NECAP1: variants seen among roughly 807,000 people sequenced by gnomAD.
The protein encoded by NECAP1 is NECAP endocytosis associated 1.
In NECAP1, 13 loss-of-function variants were observed where a neutral mutation model predicts 33.4. The ratio of observed to expected loss-of-function variants is 0.39; its 90% CI spans 0.25 to 0.62. The LOEUF (loss-of-function observed/expected upper bound fraction) is 0.62, where lower values mean the gene tolerates loss of function less well. Among genes scored for constraint, NECAP1 ranks in the 20% least tolerant of loss-of-function variants. NECAP1 has a pLI of 0.52. For missense variants in NECAP1, 272 were observed against 347.4 expected, an observed-to-expected ratio of 0.78 and a Z score of 1.73; for synonymous variants, 109 against 125.2, an observed-to-expected ratio of 0.87 and a Z score of 0.86.
In NECAP1 at chr12:8,090,211, G is replaced by A; in HGVS notation, c.213G>A (p.Gln71=). 1 of 1,614,174 alleles carries A rather than the reference G, an allele frequency of 6.2e-7. No homozygotes were observed. Among genetic ancestry groups the A allele is most frequent in the Non-Finnish European group, 8.5e-7 (1 of 1,180,022 alleles). The part of the protein sequence containing the change: ...EDKVSGELFA[Q]APVEQYPGIA... ...ATCTGTCAGGGGAGCTCTTTGCTCA[G>A]GCACCAGTAGAACAATATCCTGGTA... Residue 71 remains glutamine, a synonymous_variant, in exon 3 of 8, where the codon CAG becomes CAA. Transcript: ENST00000339754.
chr12:8,095,555 G>A (rs779162435), intron 6 of NECAP1, 46 bp from the exon 7 acceptor site: 1 of 1,528,400 alleles, frequency 6.5e-7, no homozygotes, highest in Non-Finnish European at 9.0e-7. Flanking sequence ...GCCCTTCCAA[G>A]ATTTTGATTA....
chr12:8,087,020 A>ATTTTTTTT (rs1565643454), intron 1 of NECAP1, among the ~76,000 whole-genome samples: 5 of 147,486 alleles, frequency 3.4e-5, no homozygotes, highest in African/African-American at 1.2e-4. Flanking sequence ...TTTTTAAAAA[A>ATTTTTTTT]AAATTCTTCA....
At chr12:8,095,909 T>G (rs771785140) in intron 7 of NECAP1, 133 bp from the exon 8 acceptor site, 1 of 1,247,616 alleles carries the variant, frequency 8.0e-7, no homozygotes, top group South Asian at 1.4e-5. Context: ...ATTTCAGGCC[T>G]TTGTAAGTAG....
In NECAP1 at chr12:8,083,729, G is replaced by GTGT. The variant is rs1947464485; in HGVS notation, c.95+1347_95+1348insGTT. ...AGGCGTGACACCACGCCCAGCCGTC[G>GTGT]TTTTTTTTTTTTTTTTTTTTTGTTA... On this transcript the variant is annotated intron_variant, in intron 1 of 7. Transcript: ENST00000339754. 1.3e-4 allele frequency among the ~76,000 whole-genome samples: 12 copies of GTGT among 91,176 alleles called. No homozygotes were observed. In the South Asian group the frequency reaches 1.6e-3, roughly 12 times the overall value. 59.8% of individuals were successfully genotyped at this position (91,176 alleles called of 152,430 possible). A position where few individuals can be genotyped will look rare whatever the true frequency, so the allele number is the denominator to read the frequency against.
rs1189650199 is a variant in NECAP1 at position 8,097,401 on chromosome 12, C to T, written c.*1311C>T. ...CACCTATTGGGTATGTACACTCTGGCCGAAGGGAGTCCTTATGTTTAGTTT... is the reference window on the plus strand; with the variant it reads ...CACCTATTGGGTATGTACACTCTGGTCGAAGGGAGTCCTTATGTTTAGTTT... On this transcript the variant is annotated 3_prime_UTR_variant, in exon 8 of 8. Transcript: ENST00000339754. 6.6e-6 allele frequency: 1 copy of T among 152,616 alleles called. No homozygotes were observed. The highest frequency in any genetic ancestry group is 1.5e-5 in the Non-Finnish European group (1 of 68,040). 9.5% of individuals were successfully genotyped at this position (152,616 alleles called of 1,614,324 possible).
rs778506326 is a variant in NECAP1, at chr12:8,092,709, A to G, written c.417A>G (p.Glu139=). 6.4e-5 allele frequency: 104 copies of G among 1,613,734 alleles called. No homozygotes were observed. In the East Asian group the frequency reaches 2.2e-3, roughly 34 times the overall value. The change falls in exon 5 of 8, where the codon GAA becomes GAG. Residue 139 remains glutamate (E), a synonymous_variant. Transcript: ENST00000339754. ...AGCAGGAATCTGAGATTTCCAAGGA[A>G]TCTCAAGAAATGGATGCTCGTCCTA... ...WVKQESEISK[E]SQEMDARPKL... is the part of the protein sequence containing the mutation.
chr12:8,082,365 C>T lies in NECAP1; in HGVS notation c.77C>T (p.Ala26Val), dbSNP rs1258379215. The change falls in exon 1 of 8, where the codon GCC (alanine) becomes GTC (valine). Residue 26 changes from alanine (A) to valine (V), a missense_variant. Ala to Val is a moderately conservative substitution (Grantham distance 64). Transcript: ENST00000339754. ...DVSVYRIPPR[A>V]SNRGYRASDW... Reference sequence around the variant, plus strand: ...AGCGTCTACCGGATTCCGCCCCGGGCCTCCAACCGCGGTTACAGGTACTAA... The same window carrying T: ...AGCGTCTACCGGATTCCGCCCCGGGTCTCCAACCGCGGTTACAGGTACTAA... The T allele has an allele frequency of 1.3e-5, 21 of 1,613,574 alleles. No homozygotes were observed. Among genetic ancestry groups the T allele is most frequent in the African/African-American group, 2.7e-5 (2 of 74,910 alleles).
In NECAP1 at chr12:8,082,476, A is replaced by C. The variant is rs776458077; in HGVS notation, c.95+93A>C. Reference sequence around the variant, plus strand: ...CACGCTGTCCGTCCCTGCCACTACTACCTCTGTATTGTCACCTTGCTAGCC... The same window carrying C: ...CACGCTGTCCGTCCCTGCCACTACTCCCTCTGTATTGTCACCTTGCTAGCC... On this transcript the variant is annotated intron_variant, in intron 1 of 7. Transcript: ENST00000339754. 7.0e-6 allele frequency: 8 copies of C among 1,141,636 alleles called. No individual in the cohort carries two copies. In the East Asian group the frequency reaches 1.6e-4, roughly 23 times the overall value. The allele number at this position is 1,141,636 out of a possible 1,614,324, so 70.7% of individuals were successfully genotyped here.
In NECAP1 at chr12:8,092,743, C is replaced by A. The variant is rs1258177968; in HGVS notation, c.451C>A (p.Leu151Met). The A allele has an allele frequency of 1.2e-6, 2 of 1,613,992 alleles. No individual in the cohort carries two copies. The highest frequency in any genetic ancestry group is 2.7e-5 in the African/African-American group (2 of 75,036). The change falls in exon 5 of 8, where the codon CTG (leucine) becomes ATG (methionine). Residue 151 changes from leucine to methionine, a missense_variant. Physicochemically the swap from Leu to Met is conservative, Grantham distance 15. Transcript: ENST00000339754. Reference protein sequence around the residue: ...QEMDARPKLDLGFKEGQTIKL... With the variant: ...QEMDARPKLDMGFKEGQTIKL... ...AATGGATGCTCGTCCTAAGTTGGAT[C>A]TGGGCTTCAAGGAAGGACAAACCAT...
Position 8,086,706 on chromosome 12 carries a change from C to T in NECAP1, c.96-3230C>T, listed in dbSNP as rs751976127. Among the ~76,000 whole-genome samples, 15 of 152,206 alleles carry T rather than the reference C, an allele frequency of 9.9e-5. 1 individual carries two copies. In the East Asian group the frequency reaches 2.3e-3, roughly 24 times the overall value. ...ATCCCAGCACTTGGGGAGGCCAAGG[C>T]GGGCGGATTTCCTGAAGTCAGGAGT... On this transcript the variant is annotated intron_variant, in intron 1 of 7. Coordinates refer to ENST00000339754, the MANE Select transcript of NECAP1 (RefSeq NM_015509.4).
chr12:8,083,745 T>G (rs1022943297), intron 1 of NECAP1, among the ~76,000 whole-genome samples: 6 of 148,848 alleles, frequency 4.0e-5, no homozygotes, highest in African/African-American at 1.5e-4. Context: ...TTTTTTTTTT[T>G]TTTTTGTTAG....
At chr12:8,089,903 A>C in intron 1 of NECAP1, 33 bp from the exon 2 acceptor site, 1 of 1,523,498 alleles carries the variant, frequency 6.6e-7, no homozygotes, top group Non-Finnish European at 9.1e-7. Flanking sequence ...AATTAAGGAC[A>C]TGTGCCTGAG....
intron 3 of NECAP1, 65 bp from the exon 4 acceptor site, chr12:8,091,704 C>A: frequency 7.0e-7 from 1 of 1,419,878 alleles, no homozygotes; most frequent in Non-Finnish European, 9.9e-7. Flanking sequence ...CAGACTGGTG[C>A]CGGGGGTTGG....
chr12:8,088,732 T>TGC (rs1162424648), intron 1 of NECAP1, among the ~76,000 whole-genome samples: 5 of 152,180 alleles, frequency 3.3e-5, no homozygotes, highest in African/African-American at 1.2e-4. Context: ...CACAAGGCCC[T>TGC]GCGTGATCTG....
At chr12:8,083,231 T>C (rs1200976892) in intron 1 of NECAP1, among the ~76,000 whole-genome samples, 2 of 152,074 alleles carry the variant, frequency 1.3e-5, no homozygotes, top group East Asian at 1.9e-4. Flanking sequence ...TTAAACCATA[T>C]GAGTGTGAGC....
At chr12:8,087,978 C>G (rs1230205118) in intron 1 of NECAP1, among the ~76,000 whole-genome samples, 1 of 152,006 alleles carries the variant, frequency 6.6e-6, no homozygotes, top group Non-Finnish European at 1.5e-5. Context: ...CTTGTGGTTG[C>G]TTTTTTAGTC....
chr12:8,087,999 A>T (rs1372636193), intron 1 of NECAP1, among the ~76,000 whole-genome samples: 1 of 152,094 alleles, frequency 6.6e-6, no homozygotes, highest in Non-Finnish European at 1.5e-5. Context: ...TTTAAGTATT[A>T]GTCTTTGGTT....
rs1947565425 is a variant in NECAP1, at chr12:8,093,193, A to G, written c.676+138A>G. 3.4e-5 allele frequency: 28 copies of G among 816,580 alleles called. 1 individual carries two copies. The South Asian group carries it at 4.9e-4, about 14-fold the overall frequency. The allele number at this position is 816,580 out of a possible 1,614,324, so 50.6% of individuals were successfully genotyped here. A position where few individuals can be genotyped will look rare whatever the true frequency, so the allele number is the denominator to read the frequency against. On this transcript the variant is annotated intron_variant, in intron 6 of 7. Coordinates refer to ENST00000339754, the MANE Select transcript of NECAP1 (RefSeq NM_015509.4). Reference sequence around the variant, plus strand: ...AAGGTGATTCTGTCAGCTTCTAGCAAGGAATCAAAGCTTTTCTAGTGAACT... The same window carrying G: ...AAGGTGATTCTGTCAGCTTCTAGCAGGGAATCAAAGCTTTTCTAGTGAACT...
At chr12:8,084,005 G>A (rs1468694) in intron 1 of NECAP1, among the ~76,000 whole-genome samples, 59,776 of 151,752 alleles carry the variant, frequency 0.39, 12,020 homozygotes, top group East Asian at 0.53. Context: ...GCCTCCCAAA[G>A]TGTTGAAATT....
Sources: allele counts gnomAD v4.1 joint callset (sites outside exome capture counted in the v4.1 genomes callset), GRCh38; gene constraint gnomAD v4.1.1; transcripts MANE v1.5; gene names NCBI Gene and HGNC (gene_info 2026-07-23, HGNC 2026-07-21).